ST8SIA1: variants seen among roughly 807,000 people sequenced by gnomAD.
ST8SIA1 encodes the protein ST8 alpha-N-acetyl-neuraminide alpha-2,8-sialyltransferase 1, also known as alpha-N-acetylneuraminide alpha-2,8-sialyltransferase.
In ST8SIA1, 16 loss-of-function variants were observed where a neutral mutation model predicts 35.9. The observed-to-expected ratio is 0.45, with a 90% CI of 0.30 to 0.68. ST8SIA1 has a LOEUF of 0.68. ST8SIA1 is among the 30% of genes least tolerant of loss of function. The pLI is 0.09. For synonymous variants in ST8SIA1, 170 were observed against 169.6 expected (o/e 1.00, Z -0.02); for missense variants, 383 against 453.6 (o/e 0.84, Z 1.41).
intron 3 of ST8SIA1, among the ~76,000 whole-genome samples, chr12:22,251,592 C>T (rs1023865258): frequency 6.6e-6 from 1 of 152,142 alleles, no homozygotes; most frequent in Non-Finnish European, 1.5e-5. Flanking sequence ...AGTTCCTCAA[C>T]TCATAAATTG....
Position 22,255,394 on chromosome 12 carries a change from C to A in ST8SIA1, c.382-5G>T. 1 of 1,612,910 alleles carries A rather than the reference C, an allele frequency of 6.2e-7. No individual in the cohort carries two copies. The highest frequency in any genetic ancestry group is 8.5e-7 in the Non-Finnish European group (1 of 1,178,876). On this transcript the variant is annotated splice_polypyrimidine_tract_variant and splice_region_variant and intron_variant, in intron 2 of 4. Coordinates refer to ENST00000396037, the MANE Select transcript of ST8SIA1 (RefSeq NM_003034.4). ...TGGCAGCTGGAATGGGGTTGCCTAG[C>A]AACAGAAAACAAGGCGGGTTTTCAC...
intron 2 of ST8SIA1, among the ~76,000 whole-genome samples, chr12:22,267,125 G>A (rs1005782457): frequency 1.3e-5 from 2 of 152,116 alleles, no homozygotes; most frequent in Admixed American, 1.3e-4. Flanking sequence ...ATGAGATGCT[G>A]GGTCAGAAAC....
At chr12:22,324,567 T>C (rs1866649809) in intron 1 of ST8SIA1, 1 of 152,202 alleles carries the variant, frequency 6.6e-6, no homozygotes, top group Admixed American at 6.5e-5. Flanking sequence ...ATTCATTATA[T>C]TTTTGTTTCA....
At chr12:22,264,213 C>G (rs2135801987) in intron 2 of ST8SIA1, among the ~76,000 whole-genome samples, 1 of 152,178 alleles carries the variant, frequency 6.6e-6, no homozygotes, top group East Asian at 1.9e-4. Flanking sequence ...ATCATTCAGC[C>G]TCCCACCTAA....
chr12:22,235,231 T>G (rs1865463955), intron 4 of ST8SIA1, among the ~76,000 whole-genome samples: 1 of 152,228 alleles, frequency 6.6e-6, no homozygotes, highest in South Asian at 2.1e-4. Context: ...TATACAGATA[T>G]GTTTTTATAA....
chr12:22,268,203 T>C (rs752610361), intron 2 of ST8SIA1, among the ~76,000 whole-genome samples: 1 of 152,168 alleles, frequency 6.6e-6, no homozygotes, highest in Non-Finnish European at 1.5e-5. Context: ...GCCAAGAATC[T>C]ATCTAAGCAA....
rs532042065 is a variant in ST8SIA1 at position 22,222,271 on chromosome 12, C to T, written c.585-20233G>A. On this transcript the variant is annotated intron_variant, in intron 4 of 4. Coordinates refer to ENST00000396037, the MANE Select transcript of ST8SIA1 (RefSeq NM_003034.4). ...CATCCCTCAGAATCTCCAAGGGAAT[C>T]GTTGTGCTAGATCACATGCTAAGTT... Among the ~76,000 whole-genome samples, 293 of 152,246 alleles carry T rather than the reference C, an allele frequency of 1.9e-3. 2 individuals carry two copies. Among genetic ancestry groups the T allele is most frequent in the African/African-American group, 6.7e-3 (278 of 41,536 alleles).
intron 1 of ST8SIA1, chr12:22,325,829 T>C (rs531128723): frequency 1.1e-4 from 75 of 701,348 alleles, no homozygotes; most frequent in African/African-American, 8.0e-4. Context: ...TTGGGGCCAC[T>C]GGTAAAATAA....
intron 4 of ST8SIA1, among the ~76,000 whole-genome samples, chr12:22,236,133 A>G (rs537549816): frequency 1.3e-3 from 202 of 152,088 alleles, no homozygotes; most frequent in African/African-American, 4.5e-3. Flanking sequence ...CTCCTTTACC[A>G]CGTCTCCCTT....
In ST8SIA1 at chr12:22,231,239, G is replaced by A. The variant is rs571446318; in HGVS notation, c.584+17767C>T. Among the ~76,000 whole-genome samples the A allele has an allele frequency of 9.9e-5, 15 of 151,130 alleles. No individual in the cohort carries two copies. In the South Asian group the frequency reaches 2.9e-3, roughly 29 times the overall value. ...ATGAATTAAATGAACAATGTTGCAC[G>A]TGATTTTCCAAAGACCCATGTCCTG... is the stretch of plus-strand genomic sequence containing the variant. On this transcript the variant is annotated intron_variant, in intron 4 of 4. Coordinates refer to ENST00000396037, the MANE Select transcript of ST8SIA1 (RefSeq NM_003034.4).
rs1325439505 is a variant in ST8SIA1 at position 22,200,466 on chromosome 12, A to G, written c.*1086T>C. 1 of 152,208 alleles carries G rather than the reference A, an allele frequency of 6.6e-6. No homozygotes were observed. Among genetic ancestry groups the G allele is most frequent in the African/African-American group, 2.4e-5 (1 of 41,458 alleles). The allele number at this position is 152,208 out of a possible 1,614,324, so 9.4% of individuals were successfully genotyped here. On this transcript the variant is annotated 3_prime_UTR_variant, in exon 5 of 5. Coordinates refer to ENST00000396037, the MANE Select transcript of ST8SIA1 (RefSeq NM_003034.4). Reference sequence around the variant, plus strand: ...AAGCCTTTTACATTTTTAATGGTATACTAGTAAAAATGTATTCTTTTTTAG... The same window carrying G: ...AAGCCTTTTACATTTTTAATGGTATGCTAGTAAAAATGTATTCTTTTTTAG...
rs1234674229 is a variant in ST8SIA1, at chr12:22,201,954, A to G, written c.669T>C (p.Phe223=). 3 of 1,614,042 alleles carry G rather than the reference A, an allele frequency of 1.9e-6. No individual in the cohort carries two copies. Among genetic ancestry groups the G allele is most frequent in the Non-Finnish European group, 2.5e-6 (3 of 1,179,928 alleles). ...ATGGCTCTGTTCCTGTCTTCATAGA[A>G]AAGGCAGGCATGTAGATGTAACTGT... ...YNHSYIYMPA[F]SMKTGTEPSL... is the part of the protein sequence containing the mutation. The change falls in exon 5 of 5, where the codon TTT becomes TTC. Residue 223 remains phenylalanine, a synonymous_variant. Transcript: ENST00000396037.
chr12:22,272,803 C>T (rs1375411604), intron 2 of ST8SIA1, among the ~76,000 whole-genome samples: 1 of 152,240 alleles, frequency 6.6e-6, no homozygotes, highest in Non-Finnish European at 1.5e-5. Context: ...ACCAGTTCAG[C>T]TTTTTGCTCT....
intron 2 of ST8SIA1, among the ~76,000 whole-genome samples, chr12:22,256,603 G>C (rs1865730778): frequency 6.6e-6 from 1 of 152,186 alleles, no homozygotes; most frequent in African/African-American, 2.4e-5. Flanking sequence ...ATATAGGCAG[G>C]AAGTAGTTAA....
intron 2 of ST8SIA1, among the ~76,000 whole-genome samples, chr12:22,278,475 T>C (rs1237064302): frequency 1.3e-5 from 2 of 152,170 alleles, no homozygotes; most frequent in Non-Finnish European, 2.9e-5. Flanking sequence ...ATTTATAAAT[T>C]ATGGCTACAG....
intron 1 of ST8SIA1, among the ~76,000 whole-genome samples, chr12:22,319,948 T>C (rs1866565204): frequency 6.6e-6 from 1 of 152,176 alleles, no homozygotes; most frequent in South Asian, 2.1e-4. Context: ...ACATTCACGG[T>C]AAGCCCCATA....
intron 4 of ST8SIA1, among the ~76,000 whole-genome samples, chr12:22,205,662 A>G (rs991683502): frequency 3.3e-5 from 5 of 152,174 alleles, no homozygotes; most frequent in African/African-American, 4.8e-5. Context: ...TCAAGTCTAC[A>G]ATCCTAGCAC....
At chr12:22,316,207 A>G (rs1381463244) in intron 1 of ST8SIA1, among the ~76,000 whole-genome samples, 1 of 152,206 alleles carries the variant, frequency 6.6e-6, no homozygotes, top group African/African-American at 2.4e-5. Flanking sequence ...AAAATATGAC[A>G]CAATAGCACA....
At chr12:22,330,979 A>C (rs973314318) in intron 1 of ST8SIA1, among the ~76,000 whole-genome samples, 2 of 152,188 alleles carry the variant, frequency 1.3e-5, no homozygotes, top group African/African-American at 4.8e-5. Context: ...TCTTTCTATC[A>C]CCACATAAAC....
Sources: gnomAD v4.1 joint callset for allele counts (sites outside exome capture counted in the v4.1 genomes callset) on GRCh38, gnomAD v4.1.1 for gene constraint, MANE v1.5 for transcripts, NCBI Gene and HGNC (gene_info 2026-07-23, HGNC 2026-07-21) for gene names.